Variants in PDE4D observed in about 807,000 individuals in gnomAD.
PDE4D encodes the protein phosphodiesterase 4D.
In PDE4D, 24 loss-of-function variants were observed where a neutral mutation model predicts 87.4. That is an observed-to-expected ratio of 0.27 (90% CI 0.20 to 0.39). PDE4D has a LOEUF of 0.39. Ranked by LOEUF, PDE4D falls within the 10% of genes least tolerant of loss-of-function variation. The pLI, the probability that PDE4D is intolerant of heterozygous loss-of-function variation, is 1.00. For synonymous variants in PDE4D, 384 were observed against 383.2 expected (o/e 1.00, Z -0.02); for missense variants, 714 against 1,041.0 (o/e 0.69, Z 4.32).
Position 58,975,534 on chromosome 5 carries a change from G to T in PDE4D, c.2013+123C>A. Reference sequence around the variant, plus strand: ...GGATCATAAATACTAAGGTGAAATTGAGCTTGTCAAAAACAAAGTAATTTT... The same window carrying T: ...GGATCATAAATACTAAGGTGAAATTTAGCTTGTCAAAAACAAAGTAATTTT... On this transcript the variant is annotated intron_variant, in intron 14 of 14. Coordinates refer to ENST00000340635, the MANE Select transcript of PDE4D (RefSeq NM_001104631.2). The surrounding 1 kb of genome is among the most constrained non-coding windows in gnomAD (Gnocchi z 4.2). 1.5e-6 allele frequency: 1 copy of T among 687,108 alleles called. No homozygotes were observed. The highest frequency in any genetic ancestry group is 2.2e-6 in the Non-Finnish European group (1 of 452,270). The allele number at this position is 687,108 out of a possible 1,614,324, so 42.6% of individuals were successfully genotyped here. A position where few individuals can be genotyped will look rare whatever the true frequency, so the allele number is the denominator to read the frequency against.
At position 59,712,478 on chromosome 5, in the gene PDE4D, C is replaced by T. The variant is rs1048164732; in HGVS notation, c.455+180690G>A. 8.4e-5 allele frequency among the ~76,000 whole-genome samples: 12 copies of T among 143,636 alleles called. No individual in the cohort carries two copies. In the East Asian group the frequency reaches 1.2e-3, roughly 14 times the overall value. The allele number at this position is 143,636 out of a possible 152,430, so 94.2% of individuals were successfully genotyped here. A position where few individuals can be genotyped will look rare whatever the true frequency, so the allele number is the denominator to read the frequency against. ...TTTATGTTACTCATTAAAACCCCAC[C>T]ATTGTTACCAGGGATTTATAACAGA... On this transcript the variant is annotated intron_variant, in intron 1 of 14. Coordinates refer to ENST00000340635, the MANE Select transcript of PDE4D (RefSeq NM_001104631.2).
intron 6 of PDE4D, among the ~76,000 whole-genome samples, chr5:58,997,928 C>G (rs1027893343): frequency 8.5e-5 from 13 of 152,210 alleles, no homozygotes; most frequent in African/African-American, 2.4e-4. Context: ...CGCCAGTGTG[C>G]TACTGGGTAT....
chr5:59,750,852 T>G (rs1387030004), intron 1 of PDE4D, among the ~76,000 whole-genome samples: 101 of 151,194 alleles, frequency 6.7e-4, no homozygotes, highest in Non-Finnish European at 5.9e-5. Flanking sequence ...GGGAGGCCTC[T>G]TGAACCCAGA....
intron 1 of PDE4D, among the ~76,000 whole-genome samples, chr5:60,319,485 C>T (rs1252939386): frequency 3.3e-5 from 5 of 152,210 alleles, no homozygotes; most frequent in East Asian, 1.9e-4. Flanking sequence ...TCTCTCAACT[C>T]GTCAAAGTCA....
At chr5:59,783,611 TAGTCTAAAACA>T (rs1218584868) in intron 1 of PDE4D, among the ~76,000 whole-genome samples, 1 of 152,248 alleles carries the variant, frequency 6.6e-6, no homozygotes, top group Non-Finnish European at 1.5e-5. Context: ...TGGGATGTCC[TAGTCTAAAACA>T]TTTATTTCAT....
At chr5:59,155,893 C>T (rs1780108166) in intron 5 of PDE4D, among the ~76,000 whole-genome samples, 1 of 152,110 alleles carries the variant, frequency 6.6e-6, no homozygotes, top group African/African-American at 2.4e-5. Flanking sequence ...TGAGGAAGTT[C>T]ATGCCTTGAC....
At chr5:59,361,257 C>G (rs1469562085) in intron 1 of PDE4D, among the ~76,000 whole-genome samples, 3 of 152,096 alleles carry the variant, frequency 2.0e-5, no homozygotes, top group African/African-American at 7.2e-5. Context: ...AAATGACTGA[C>G]AAGTTCCTAA....
chr5:59,573,521 C>G (rs149906919), intron 1 of PDE4D, among the ~76,000 whole-genome samples: 1 of 152,102 alleles, frequency 6.6e-6, no homozygotes, highest in Admixed American at 6.5e-5. Flanking sequence ...CTTCCCAGGG[C>G]GAATTTTCCT....
At chr5:59,103,043 G>C (rs952255603) in intron 5 of PDE4D, among the ~76,000 whole-genome samples, 1 of 152,094 alleles carries the variant, frequency 6.6e-6, no homozygotes, top group Non-Finnish European at 1.5e-5. Context: ...GTTTCTCAAG[G>C]GGCTGAACTA....
chr5:59,064,517 C>T (rs879930163), intron 5 of PDE4D, among the ~76,000 whole-genome samples: 15 of 152,032 alleles, frequency 9.9e-5, no homozygotes, highest in African/African-American at 3.1e-4. Context: ...ACAGGCTACC[C>T]GTTTCCCAGT....
chr5:59,420,526 AC>A (rs1339183919), intron 1 of PDE4D, among the ~76,000 whole-genome samples: 1 of 152,138 alleles, frequency 6.6e-6, no homozygotes, highest in African/African-American at 2.4e-5. Flanking sequence ...CAGAGGGAAG[AC>A]TTTGCTGACG....
chr5:59,616,918 CATATATAT>C (rs55821264), intron 1 of PDE4D, among the ~76,000 whole-genome samples: 826 of 62,912 alleles, frequency 0.013, 72 homozygotes, highest in East Asian at 0.11. Context: ...CTAATAATTA[CATATATAT>C]ATATATATAT....
At chr5:59,039,838 GTC>G (rs1759351750) in intron 5 of PDE4D, 1 of 152,650 alleles carries the variant, frequency 6.6e-6, no homozygotes, top group Non-Finnish European at 1.5e-5. Context: ...CTGTGGGACT[GTC>G]TGTGCTAGGA....
In PDE4D at chr5:59,688,617, G is replaced by A. The variant is rs141266362; in HGVS notation, c.455+204551C>T. 7.5e-3 allele frequency among the ~76,000 whole-genome samples: 1,149 copies of A among 152,214 alleles called. 16 individuals are homozygous for A. Among genetic ancestry groups the A allele is most frequent in the African/African-American group, 0.026 (1,072 of 41,526 alleles). ...CACTAAATTCCCACAAGAGAAAGCAGGAAAGATCTAAAATTGACACCCTAA... is the reference window on the plus strand; with the variant it reads ...CACTAAATTCCCACAAGAGAAAGCAAGAAAGATCTAAAATTGACACCCTAA... On this transcript the variant is annotated intron_variant, in intron 1 of 14. Transcript: ENST00000340635.
intron 1 of PDE4D, among the ~76,000 whole-genome samples, chr5:59,704,587 A>G (rs1481303540): frequency 2.0e-5 from 3 of 152,164 alleles, no homozygotes; most frequent in Admixed American, 2.0e-4. Flanking sequence ...TTGAGTTCCT[A>G]CTCTCAGAGA....
At chr5:59,200,431 C>A (rs1489161086) in intron 2 of PDE4D, among the ~76,000 whole-genome samples, 3 of 12 alleles carry the variant, frequency 0.25, no homozygotes, top group Non-Finnish European at 0.5. Flanking sequence ...GTATGTACAG[C>A]TACACGTATA....
chr5:59,148,425 T>A (rs1778979238), intron 5 of PDE4D, among the ~76,000 whole-genome samples: 2 of 152,156 alleles, frequency 1.3e-5, no homozygotes. Flanking sequence ...GTGCTCTCAT[T>A]TGTTTCATGG....
intron 2 of PDE4D, among the ~76,000 whole-genome samples, chr5:60,004,575 G>T (rs1387271203): frequency 6.6e-6 from 1 of 152,002 alleles, no homozygotes; most frequent in Non-Finnish European, 1.5e-5. Flanking sequence ...AAAGGGCTGA[G>T]TGTACCTGAT....
chr5:59,860,818 C>T (rs879694492), intron 1 of PDE4D, among the ~76,000 whole-genome samples: 5 of 151,954 alleles, frequency 3.3e-5, no homozygotes, highest in Admixed American at 6.6e-5. Flanking sequence ...CTGATAAATG[C>T]TAACATAACC....
Sources: allele counts gnomAD v4.1 joint callset (sites outside exome capture counted in the v4.1 genomes callset), GRCh38; gene constraint gnomAD v4.1.1; non-coding constraint Gnocchi (gnomAD v3.1); transcripts MANE v1.5; gene names NCBI Gene and HGNC (gene_info 2026-07-23, HGNC 2026-07-21).